TAAR8: variants seen among roughly 807,000 people sequenced by gnomAD.
The protein encoded by TAAR8 is trace amine associated receptor 8.
For synonymous variants in TAAR8, 157 were observed against 152.7 expected (o/e 1.03, Z -0.21); for missense variants, 459 against 405.8 (o/e 1.13, Z -1.13).
At position 132,553,353 on chromosome 6, in the gene TAAR8, C is replaced by T; in HGVS notation, c.661C>T (p.Leu221Phe). Residue 221 changes from leucine to phenylalanine, a missense_variant, in exon 1 of 1, where the codon CTT becomes TTT. Transcript: ENST00000275200. ...GATAATTCTTTACAGTAAGATTTTTCTTATAGCTAAACAACAAGCTATAAA... is the reference window on the plus strand; with the variant it reads ...GATAATTCTTTACAGTAAGATTTTTTTTATAGCTAAACAACAAGCTATAAA... The T allele has an allele frequency of 1.2e-6, 2 of 1,613,926 alleles. No homozygotes were observed. Among genetic ancestry groups the T allele is most frequent in the Non-Finnish European group, 1.7e-6 (2 of 1,179,962 alleles).
chr6:132,553,284 G>C, exon 1 of TAAR8: 1 of 1,614,142 alleles, frequency 6.2e-7, no homozygotes. Context: ...TCAAGGCTGG[G>C]TGTTGATAGA....
exon 1 of TAAR8, chr6:132,553,333 T>C: frequency 6.2e-7 from 1 of 1,614,070 alleles, no homozygotes; most frequent in South Asian, 1.1e-5. Context: ...GTTATGATAA[T>C]TCTTTACAGT....
exon 1 of TAAR8, chr6:132,552,880 A>G: frequency 5.6e-6 from 9 of 1,613,954 alleles, no homozygotes; most frequent in Non-Finnish European, 7.6e-6. Flanking sequence ...AAGCAGCTGC[A>G]CTCTCCAACC....
exon 1 of TAAR8, chr6:132,553,598 C>A: frequency 1.2e-6 from 2 of 1,614,096 alleles, no homozygotes. Context: ...CTTATTATAA[C>A]TCAGCCATGA....
At chr6:132,553,341 A>G (rs1337793935) in exon 1 of TAAR8, 1 of 1,613,928 alleles carries the variant, frequency 6.2e-7, no homozygotes, top group African/African-American at 1.3e-5. Context: ...AATTCTTTAC[A>G]GTAAGATTTT....
In TAAR8 at chr6:132,553,684, A is replaced by T. The variant is rs751065693; in HGVS notation, c.992A>T (p.Lys331Met). The change falls in exon 1 of 1, where the codon AAG (lysine) becomes ATG (methionine). Residue 331 changes from lysine to methionine, a missense_variant. Coordinates refer to ENST00000275200, the Ensembl canonical transcript of TAAR8. The stretch of plus-strand genomic sequence containing the variant: ...CTTATTTTAAGTGGAGATGTTTTAA[A>T]GGCTAGTTCATCAACCATTAGTTTA... 8 of 1,600,582 alleles carry T rather than the reference A, an allele frequency of 5.0e-6. No homozygotes were observed. The South Asian group carries it at 8.0e-5, about 16-fold the overall frequency.
chr6:132,553,212 G>A (rs1376267445), exon 1 of TAAR8: 2 of 1,614,086 alleles, frequency 1.2e-6, no homozygotes, highest in East Asian at 2.2e-5. Flanking sequence ...TGTCAATGAT[G>A]ATGGGCTGGA....
At chr6:132,553,073 C>G (rs757403255) in exon 1 of TAAR8, 2 of 1,614,184 alleles carry the variant, frequency 1.2e-6, no homozygotes, top group South Asian at 1.1e-5. Flanking sequence ...TCATCTGCAT[C>G]GACAGGTACA....
At chr6:132,553,169 T>C in exon 1 of TAAR8, 1 of 1,614,196 alleles carries the variant, frequency 6.2e-7, no homozygotes, top group Non-Finnish European at 8.5e-7. Context: ...GGATTCTGCC[T>C]CTCACGTACA....
rs1358310101 is a variant in TAAR8 at position 132,553,260 on chromosome 6, C to T, written c.568C>T (p.Gln190Ter). The T allele has an allele frequency of 1.2e-6, 2 of 1,614,042 alleles. No individual in the cohort carries two copies. The highest frequency in any genetic ancestry group is 1.7e-6 in the Non-Finnish European group (2 of 1,180,036). ...TGCTCTCAACTGCGTAGGTGGCTGT[C>T]AAATTATTGTAAGTCAAGGCTGGGT... is the stretch of plus-strand genomic sequence containing the variant. Residue 190 changes from glutamine (Q) to a stop codon, truncating the protein, a stop_gained, in exon 1 of 1, where the codon CAA becomes TAA. Transcript: ENST00000275200. LOFTEE classifies it low-confidence loss of function (END_TRUNC).
chr6:132,553,314 C>A, exon 1 of TAAR8: 1 of 1,614,058 alleles, frequency 6.2e-7, no homozygotes, highest in East Asian at 2.2e-5. Context: ...ATTCTTCATA[C>A]CTACCCTTGT....
In TAAR8 at chr6:132,553,040, C is replaced by T. The variant is rs757975539; in HGVS notation, c.348C>T (p.Tyr116=). 4.3e-6 allele frequency: 7 copies of T among 1,614,086 alleles called. No individual in the cohort carries two copies. The Admixed American group carries it at 6.7e-5, about 15-fold the overall frequency. ...GTTGCTGTGATGTGGCATTTTGTTA[C>T]TCTTCTGTCCTCCACTTGTGCTTCA... Residue 116 remains tyrosine (Y), a synonymous_variant, in exon 1 of 1, where the codon TAC becomes TAT. Coordinates refer to ENST00000275200, the Ensembl canonical transcript of TAAR8.
rs142407090 is a variant in TAAR8 at position 132,553,247 on chromosome 6, C to G, written c.555C>G (p.Cys185Trp). Residue 185 changes from cysteine to tryptophan, a missense_variant, in exon 1 of 1, where the codon TGC becomes TGG. Physicochemically the swap from Cys to Trp is radical, Grantham distance 215. Transcript: ENST00000275200. ...AGGAATTAGTAAGTGCTCTCAACTG[C>G]GTAGGTGGCTGTCAAATTATTGTAA... The G allele has an allele frequency of 5.8e-5, 94 of 1,614,004 alleles. No individual in the cohort carries two copies. The highest frequency in any genetic ancestry group is 7.6e-5 in the Non-Finnish European group (90 of 1,180,026).
At chr6:132,553,370 A>C (rs781451065) in exon 1 of TAAR8, 39 of 1,614,004 alleles carry the variant, frequency 2.4e-5, no homozygotes, top group Non-Finnish European at 3.2e-5. Context: ...CTAAACAACA[A>C]GCTATAAAAA....
chr6:132,553,591 A>G, exon 1 of TAAR8: 2 of 1,614,056 alleles, frequency 1.2e-6, no homozygotes, highest in Non-Finnish European at 8.5e-7. Context: ...TGGAGTGCTT[A>G]TTATAACTCA....
chr6:132,553,105 T>C, exon 1 of TAAR8: 1 of 1,614,202 alleles, frequency 6.2e-7, no homozygotes, highest in Non-Finnish European at 8.5e-7. Flanking sequence ...GATCCCCTGG[T>C]CTATGCTACC....
exon 1 of TAAR8, chr6:132,552,971 G>A (rs760612944): frequency 6.2e-7 from 1 of 1,614,214 alleles, no homozygotes; most frequent in Admixed American, 1.7e-5. Flanking sequence ...TCAGGACGGT[G>A]GAGAGCTGCT....
exon 1 of TAAR8, chr6:132,552,936 G>T: frequency 6.2e-7 from 1 of 1,614,214 alleles, no homozygotes; most frequent in Non-Finnish European, 8.5e-7. Context: ...CTTGGTAGGT[G>T]TGACTGTGAT....
At chr6:132,552,795 T>C (rs1460507569) in exon 1 of TAAR8, 3 of 1,614,206 alleles carry the variant, frequency 1.9e-6, no homozygotes, top group Non-Finnish European at 2.5e-6. Context: ...GGTAATTCTG[T>C]ACACGGCGTT....
Sources: allele counts gnomAD v4.1 joint callset, GRCh38; gene constraint gnomAD v4.1.1; transcripts MANE v1.5; gene names NCBI Gene and HGNC (gene_info 2026-07-23, HGNC 2026-07-21).